MARCHF10: variants seen among roughly 807,000 people sequenced by gnomAD.
The protein encoded by MARCHF10 is probable E3 ubiquitin-protein ligase MARCHF10.
A neutral mutation model predicts 76.2 loss-of-function variants in MARCHF10; 64 were observed. That is an observed-to-expected ratio of 0.84 (90% confidence interval 0.69 to 1.03). The LOEUF (loss-of-function observed/expected upper bound fraction) is 1.03. Among genes scored for constraint, MARCHF10 ranks in the 50% least tolerant of loss-of-function variants. The pLI, the probability that MARCHF10 is intolerant of heterozygous loss-of-function variation, is 0.00. For synonymous variants in MARCHF10, 340 were observed against 357.5 expected (o/e 0.95, Z 0.55); for missense variants, 875 against 958.0 (o/e 0.91, Z 1.14).
At chr17:62,722,338 T>C in intron 8 of MARCHF10, 150 bp downstream of exon 8, 1 of 528,892 alleles carries the variant, frequency 1.9e-6, no homozygotes, top group South Asian at 2.7e-5. Flanking sequence ...TAGTGGCAGG[T>C]CTTCTCAGAG....
At chr17:62,722,000 C>T (rs901185401) in intron 8 of MARCHF10, among the ~76,000 whole-genome samples, 10 of 152,076 alleles carry the variant, frequency 6.6e-5, no homozygotes, top group Non-Finnish European at 1.0e-4. Flanking sequence ...TTCCAACTCT[C>T]GGCCAGGTGT....
At chr17:62,774,885 C>T (rs1349037582) in intron 3 of MARCHF10, among the ~76,000 whole-genome samples, 1 of 151,918 alleles carries the variant, frequency 6.6e-6, no homozygotes, top group Non-Finnish European at 1.5e-5. Context: ...GAACTCCTGC[C>T]TCTACTAAAA....
chr17:62,791,990 T>C (rs1457646361), intron 2 of MARCHF10, among the ~76,000 whole-genome samples: 1 of 152,138 alleles, frequency 6.6e-6, no homozygotes, highest in African/African-American at 2.4e-5. Flanking sequence ...AGGATTCGGA[T>C]GGCTATAAAT....
chr17:62,759,503 G>A (rs190730169), intron 4 of MARCHF10, among the ~76,000 whole-genome samples: 7 of 152,306 alleles, frequency 4.6e-5, no homozygotes, highest in Admixed American at 4.6e-4. Context: ...TTTTGAGGCG[G>A]GGTCTTGCTC....
chr17:62,704,302 C>G (rs1301876171), intron 10 of MARCHF10, among the ~76,000 whole-genome samples: 2 of 152,046 alleles, frequency 1.3e-5, no homozygotes. Flanking sequence ...TCGCAGCGCC[C>G]TTCCCGGCTG....
At chr17:62,756,993 A>G (rs190631302) in intron 4 of MARCHF10, among the ~76,000 whole-genome samples, 4 of 152,354 alleles carry the variant, frequency 2.6e-5, no homozygotes, top group Admixed American at 6.5e-5. Context: ...TGTAGAGGGC[A>G]TTGATAGTTC....
At chr17:62,772,209 G>A (rs1204524947) in intron 3 of MARCHF10, among the ~76,000 whole-genome samples, 1 of 152,146 alleles carries the variant, frequency 6.6e-6, no homozygotes, top group Non-Finnish European at 1.5e-5. Flanking sequence ...ATGGGGGTGG[G>A]TCTTTCCTGT....
At chr17:62,746,835 G>A in intron 4 of MARCHF10, 1 of 1,443,512 alleles carries the variant, frequency 6.9e-7, no homozygotes, top group Non-Finnish European at 9.4e-7. Flanking sequence ...ACACTGCCCA[G>A]AGGCCACTGA....
Position 62,770,275 on chromosome 17 carries a change from G to GA in MARCHF10, c.211-10270_211-10269insT, listed in dbSNP as rs1200045144. On this transcript the variant is annotated intron_variant, in intron 3 of 10. Transcript: ENST00000311269. Reference sequence around the variant, plus strand: ...TTCTTTATCCAATCTACCATTGATAGGCACCTACACTGATTCCATGTCTTT... The same window carrying GA: ...TTCTTTATCCAATCTACCATTGATAGAGCACCTACACTGATTCCATGTCTTT... Among the ~76,000 whole-genome samples, 13 of 152,246 alleles carry GA rather than the reference G, an allele frequency of 8.5e-5. 1 individual carries two copies. Among genetic ancestry groups the GA allele is most frequent in the Admixed American group, 5.9e-4 (9 of 15,288 alleles).
intron 3 of MARCHF10, among the ~76,000 whole-genome samples, chr17:62,784,344 C>T (rs2092711650): frequency 1.3e-5 from 2 of 152,126 alleles, no homozygotes; most frequent in Non-Finnish European, 2.9e-5. Flanking sequence ...TAAAAACTCT[C>T]AGTAAACTAG....
intron 6 of MARCHF10, among the ~76,000 whole-genome samples, chr17:62,733,953 C>T (rs575451446): frequency 4.6e-5 from 7 of 152,072 alleles, no homozygotes; most frequent in African/African-American, 1.4e-4. Context: ...GAGGCCAAGA[C>T]GGGTGGATTG....
chr17:62,767,786 A>T (rs2092366787), intron 3 of MARCHF10, among the ~76,000 whole-genome samples: 2 of 152,086 alleles, frequency 1.3e-5, no homozygotes, highest in Non-Finnish European at 2.9e-5. Flanking sequence ...TTAATGACTG[A>T]TGGAGACTAC....
chr17:62,794,898 T>A, intron 2 of MARCHF10: 1 of 461,848 alleles, frequency 2.2e-6, no homozygotes, highest in Non-Finnish European at 2.8e-6. Context: ...TCGGTGACAT[T>A]ATTAAAGTTC....
At chr17:62,795,267 C>T (rs1359245605) in intron 2 of MARCHF10, among the ~76,000 whole-genome samples, 1 of 148,462 alleles carries the variant, frequency 6.7e-6, no homozygotes, top group Non-Finnish European at 1.5e-5. Flanking sequence ...TAGAAAATCA[C>T]TCTGAAATGC....
chr17:62,782,434 G>A lies in MARCHF10; in HGVS notation c.210+6046C>T, dbSNP rs530647443. ...ACGATCTCAGCTTACTGCAATCTCC[G>A]CCTCCCAGGTTCAAGCAATTCATCT... On this transcript the variant is annotated intron_variant, in intron 3 of 10. Transcript: ENST00000311269. 1.0e-4 allele frequency among the ~76,000 whole-genome samples: 14 copies of A among 136,826 alleles called. No individual in the cohort carries two copies. In the East Asian group the frequency reaches 1.1e-3, roughly 11 times the overall value. The allele number at this position is 136,826 out of a possible 152,430, so 89.8% of individuals were successfully genotyped here. A position where few individuals can be genotyped will look rare whatever the true frequency, so the allele number is the denominator to read the frequency against.
chr17:62,724,854 T>C lies in MARCHF10; in HGVS notation c.2104+84A>G, dbSNP rs983824077. 4.0e-6 allele frequency: 6 copies of C among 1,483,322 alleles called. No homozygotes were observed. The African/African-American group carries it at 5.6e-5, about 14-fold the overall frequency. The allele number at this position is 1,483,322 out of a possible 1,614,324, so 91.9% of individuals were successfully genotyped here. On this transcript the variant is annotated intron_variant, in intron 7 of 10. Transcript: ENST00000311269. ...TGTTCTGCGGAGGAGAGTGAGCTGA[T>C]GACAAGGCTCCGGGGCCCACACCGT...
At chr17:62,770,502 C>T (rs1265139458) in intron 3 of MARCHF10, among the ~76,000 whole-genome samples, 3 of 151,912 alleles carry the variant, frequency 2.0e-5, no homozygotes, top group Admixed American at 1.3e-4. Flanking sequence ...TGTAAGTGTT[C>T]CCTATTCTCC....
At position 62,777,283 on chromosome 17, in the gene MARCHF10, A is replaced by G. The variant is rs897121022; in HGVS notation, c.210+11197T>C. ...GGGGATGGGCTGCAAGCAGCTTTCCATAAGACATGCCCAACAATGTGCCAT... is the reference window on the plus strand; with the variant it reads ...GGGGATGGGCTGCAAGCAGCTTTCCGTAAGACATGCCCAACAATGTGCCAT... On this transcript the variant is annotated intron_variant, in intron 3 of 10. Coordinates refer to ENST00000311269, the MANE Select transcript of MARCHF10 (RefSeq NM_152598.4). 2.6e-5 allele frequency among the ~76,000 whole-genome samples: 4 copies of G among 152,360 alleles called. No individual in the cohort carries two copies. The East Asian group carries it at 5.8e-4, about 22-fold the overall frequency.
At chr17:62,804,751 CCCCCA>C (rs2093136195) in intron 1 of MARCHF10, 1 of 152,102 alleles carries the variant, frequency 6.6e-6, no homozygotes, top group Admixed American at 6.5e-5. Flanking sequence ...GTCATCAAAG[CCCCCA>C]CACTATTCCT....
Sources: gnomAD v4.1 joint callset for allele counts (sites outside exome capture counted in the v4.1 genomes callset) on GRCh38, gnomAD v4.1.1 for gene constraint, MANE v1.5 for transcripts, NCBI Gene and HGNC (gene_info 2026-07-23, HGNC 2026-07-21) for gene names.